The following NRXN1 variants were observed in gnomAD, a reference collection of about 807,000 sequenced individuals.
NRXN1 encodes the protein neurexin-1.
Under a neutral mutation model 150.9 loss-of-function variants are expected in NRXN1, and 39 were observed. The ratio of observed to expected loss-of-function variants is 0.26; its 90% CI spans 0.20 to 0.34. The LOEUF (loss-of-function observed/expected upper bound fraction) is 0.34. Among genes scored for constraint, NRXN1 ranks in the 10% least tolerant of loss-of-function variants. The probability of loss-of-function intolerance (pLI) is 1.00; values close to 1 mark genes in which losing one functional copy is unlikely to be tolerated. For missense variants in NRXN1, 1,815 were observed against 1,949.9 expected (o/e 0.93, Z 1.30); for synonymous variants, 924 against 757.0 (o/e 1.22, Z -3.62).
chr2:50,354,405 TCA>T (rs1190115810), intron 17 of NRXN1, among the ~76,000 whole-genome samples: 1 of 151,806 alleles, frequency 6.6e-6, no homozygotes, highest in Non-Finnish European at 1.5e-5. Flanking sequence ...TTATTTAAGC[TCA>T]GTTTTCCCAT....
At chr2:50,575,392 G>A (rs773789011) in intron 8 of NRXN1, among the ~76,000 whole-genome samples, 1 of 152,154 alleles carries the variant, frequency 6.6e-6, no homozygotes, top group African/African-American at 2.4e-5. Flanking sequence ...TGGGCTAGCA[G>A]TAGGCCCTGG....
At chr2:50,398,053 G>C (rs757684082) in intron 17 of NRXN1, among the ~76,000 whole-genome samples, 1 of 152,048 alleles carries the variant, frequency 6.6e-6, no homozygotes, top group South Asian at 2.1e-4. Context: ...CATCATATTT[G>C]GTTTAAACAT....
chr2:50,016,574 T>C (rs571136485), intron 21 of NRXN1: 9 of 152,220 alleles, frequency 5.9e-5, no homozygotes, highest in South Asian at 4.1e-4. Flanking sequence ...CTTCTTAACA[T>C]GGCCGCAGAA....
At chr2:50,382,218 C>G (rs1009036887) in intron 17 of NRXN1, among the ~76,000 whole-genome samples, 2 of 152,170 alleles carry the variant, frequency 1.3e-5, no homozygotes, top group African/African-American at 4.8e-5. Context: ...ATACAGTAGG[C>G]ACCAAATATC....
intron 2 of NRXN1, among the ~76,000 whole-genome samples, chr2:51,002,946 C>A (rs1312796738): frequency 6.6e-6 from 1 of 151,802 alleles, no homozygotes; most frequent in Non-Finnish European, 1.5e-5. Flanking sequence ...ATTTTCATTT[C>A]TTCATATATT....
intron 17 of NRXN1, among the ~76,000 whole-genome samples, chr2:50,281,778 T>A (rs188368513): frequency 1.3e-5 from 2 of 152,266 alleles, no homozygotes; most frequent in East Asian, 3.9e-4. Flanking sequence ...AGAATCTGAA[T>A]CTGTACTATG....
At chr2:50,110,464 C>A (rs1279238678) in intron 18 of NRXN1, among the ~76,000 whole-genome samples, 1 of 140,648 alleles carries the variant, frequency 7.1e-6, no homozygotes, top group Non-Finnish European at 1.5e-5. Context: ...CGCACTCCAG[C>A]CTGGGCGACA....
At chr2:50,085,575 T>C (rs1229678130) in intron 19 of NRXN1, among the ~76,000 whole-genome samples, 4 of 152,088 alleles carry the variant, frequency 2.6e-5, no homozygotes, top group African/African-American at 9.7e-5. Flanking sequence ...TAATAAAGTT[T>C]CTCTAGTAAA....
intron 5 of NRXN1, among the ~76,000 whole-genome samples, chr2:50,651,203 T>G (rs1472001736): frequency 1.3e-5 from 2 of 152,060 alleles, no homozygotes; most frequent in East Asian, 1.9e-4. Context: ...ATGAGTGATC[T>G]ACATGTCATA....
intron 21 of NRXN1, among the ~76,000 whole-genome samples, chr2:49,996,412 G>T (rs552349445): frequency 6.6e-6 from 1 of 152,168 alleles, no homozygotes; most frequent in Non-Finnish European, 1.5e-5. Context: ...GAATGGAAAG[G>T]AAGATTGGGG....
chr2:50,215,899 A>G (rs1291474644), intron 18 of NRXN1, among the ~76,000 whole-genome samples: 1 of 152,108 alleles, frequency 6.6e-6, no homozygotes, highest in African/African-American at 2.4e-5. Context: ...TTAAGCAAGT[A>G]CATAATTGGC....
At chr2:50,297,845 G>A (rs1312165860) in intron 17 of NRXN1, among the ~76,000 whole-genome samples, 2 of 152,106 alleles carry the variant, frequency 1.3e-5, no homozygotes, top group Non-Finnish European at 2.9e-5. Flanking sequence ...TTTAAAATGG[G>A]TTTTAAAGGA....
At chr2:50,460,214 A>T (rs1050060544) in intron 17 of NRXN1, among the ~76,000 whole-genome samples, 2 of 152,094 alleles carry the variant, frequency 1.3e-5, no homozygotes, top group African/African-American at 4.8e-5. Flanking sequence ...GAGTGCTAAC[A>T]TTTGAGCCAA....
chr2:50,916,946 C>T (rs999469385), intron 5 of NRXN1: 2 of 151,622 alleles, frequency 1.3e-5, no homozygotes, highest in African/African-American at 4.8e-5. Context: ...AACTAATGAA[C>T]ATGTAAGCTA....
intron 5 of NRXN1, among the ~76,000 whole-genome samples, chr2:50,722,848 C>T (rs1559169707): frequency 6.6e-6 from 1 of 152,110 alleles, no homozygotes; most frequent in African/African-American, 2.4e-5. Flanking sequence ...GCTACAAATA[C>T]CTCACTCATA....
chr2:50,059,003 G>A (rs1216808487), intron 19 of NRXN1, among the ~76,000 whole-genome samples: 1 of 152,190 alleles, frequency 6.6e-6, no homozygotes, highest in Non-Finnish European at 1.5e-5. Flanking sequence ...TACTGGTAAA[G>A]TGGAGTACTG....
intron 5 of NRXN1, among the ~76,000 whole-genome samples, chr2:50,813,660 A>G (rs1457329252): frequency 6.6e-6 from 1 of 152,202 alleles, no homozygotes; most frequent in Non-Finnish European, 1.5e-5. Context: ...TGAATCAGCT[A>G]GATATGTTAA....
At chr2:50,757,253 G>T (rs1312491798) in intron 5 of NRXN1, among the ~76,000 whole-genome samples, 1 of 151,838 alleles carries the variant, frequency 6.6e-6, no homozygotes, top group Non-Finnish European at 1.5e-5. Context: ...GAACCAGTCA[G>T]TAAGAGTATA....
chr2:50,575,532 G>C (rs1671311918), intron 8 of NRXN1, among the ~76,000 whole-genome samples: 1 of 152,146 alleles, frequency 6.6e-6, no homozygotes, highest in Non-Finnish European at 1.5e-5. Flanking sequence ...AGTTATGTGT[G>C]CCAAAGAATT....
Sources: gnomAD v4.1 joint callset for allele counts (sites outside exome capture counted in the v4.1 genomes callset) on GRCh38, gnomAD v4.1.1 for gene constraint, MANE v1.5 for transcripts, NCBI Gene and HGNC (gene_info 2026-07-23, HGNC 2026-07-21) for gene names.